LAMA1: variants seen among roughly 807,000 people sequenced by gnomAD.
The protein encoded by LAMA1 is laminin subunit alpha 1.
A neutral mutation model predicts 348.7 loss-of-function variants in LAMA1; 219 were observed. The observed-to-expected ratio is 0.63, with a 90% CI of 0.56 to 0.70. The LOEUF (loss-of-function observed/expected upper bound fraction) is 0.70. LAMA1 is among the 30% of genes least tolerant of loss of function. LAMA1 has a pLI of 0.00. For missense variants in LAMA1, 3,744 were observed against 3,888.0 expected (o/e 0.96, Z 0.99); for synonymous variants, 1,487 against 1,491.0 (o/e 1.00, Z 0.06).
At chr18:7,107,575 T>C (rs1176873587) in intron 1 of LAMA1, among the ~76,000 whole-genome samples, 1 of 152,094 alleles carries the variant, frequency 6.6e-6, no homozygotes, top group Non-Finnish European at 1.5e-5. Context: ...ACCCAGGGCC[T>C]GGAGGAGTGG....
intron 1 of LAMA1, among the ~76,000 whole-genome samples, chr18:7,095,893 C>T (rs925687540): frequency 2.6e-5 from 4 of 152,210 alleles, no homozygotes; most frequent in Non-Finnish European, 5.9e-5. Context: ...ATAGTGAAAC[C>T]CCGTCTCTAC....
Position 6,980,524 on chromosome 18 carries a change from T to C in LAMA1, c.6004A>G (p.Lys2002Glu), listed in dbSNP as rs607230. The C allele has an allele frequency of 0.71, 1,118,120 of 1,564,944 alleles. 401,658 individuals are homozygous for C. Among genetic ancestry groups the C allele is most frequent in the East Asian group, 0.83 (36,824 of 44,624 alleles). ...ESLLILRAIP[K>E]GIRDKGAKTK... ...GAAGAAAGTCCTTTCCACTTACCTT[T>C]AGGAATTGCTCTAAGTATCAAGAGT... The change falls in exon 42 of 63, where the codon AAA becomes GAA. Residue 2002 changes from lysine (K) to glutamate (E), a missense_variant. Physicochemically the swap from Lys to Glu is moderately conservative, Grantham distance 56 (BLOSUM62 1). Around this residue, in one of 3 missense-constraint regions of LAMA1, gnomAD observed 1,983 missense variants for 1,934.3 expected, o/e 1.03. Transcript: ENST00000389658.
Position 7,042,244 on chromosome 18 carries a change from G to A in LAMA1, c.1162C>T (p.Pro388Ser), listed in dbSNP as rs766401243. The A allele has an allele frequency of 6.2e-7, 1 of 1,602,856 alleles. No homozygotes were observed. The highest frequency in any genetic ancestry group is 8.5e-7 in the Non-Finnish European group (1 of 1,171,652). Residue 388 changes from proline to serine, a missense_variant, in exon 9 of 63, where the codon CCT becomes TCT. Pro to Ser is a moderately conservative substitution (Grantham distance 74, BLOSUM62 -1). This residue lies in a region of LAMA1 where 1,529 missense variants were observed against 1,689.4 expected (regional missense o/e 0.91). Coordinates refer to ENST00000389658, the MANE Select transcript of LAMA1 (RefSeq NM_005559.4). ...DGYYRPHKVS[P>S]YEDEPCRPCN... is the part of the protein sequence containing the mutation. ...GGGCGGCAAGGCTCATCCTCATAAGGAGACACCTGAAAGGCAGAGGTTGCC... is the reference window on the plus strand; with the variant it reads ...GGGCGGCAAGGCTCATCCTCATAAGAAGACACCTGAAAGGCAGAGGTTGCC...
At chr18:7,089,047 G>C (rs1164048717) in intron 1 of LAMA1, among the ~76,000 whole-genome samples, 1 of 151,860 alleles carries the variant, frequency 6.6e-6, no homozygotes, top group African/African-American at 2.4e-5. Flanking sequence ...AGGTCCACAA[G>C]CTCTGCCAAA....
intron 3 of LAMA1, among the ~76,000 whole-genome samples, chr18:7,071,603 T>A (rs1225839118): frequency 6.6e-6 from 1 of 152,272 alleles, no homozygotes; most frequent in Non-Finnish European, 1.5e-5. Context: ...GTAAGCCATA[T>A]AGAAACTATT....
chr18:7,098,725 T>A (rs1173694379), intron 1 of LAMA1, among the ~76,000 whole-genome samples: 1 of 128,220 alleles, frequency 7.8e-6, no homozygotes, highest in Non-Finnish European at 1.6e-5. Flanking sequence ...GGTGGGGGGG[T>A]CAGCCCCCCG....
At chr18:7,116,451 C>A (rs902935114) in intron 1 of LAMA1, among the ~76,000 whole-genome samples, 3 of 152,222 alleles carry the variant, frequency 2.0e-5, no homozygotes, top group Non-Finnish European at 2.9e-5. Flanking sequence ...TTCAATGCTG[C>A]GTTTCCAGCT....
chr18:6,950,963 A>C lies in LAMA1; in HGVS notation c.8216T>G (p.Val2739Gly). 1.9e-6 allele frequency: 3 copies of C among 1,613,676 alleles called. No homozygotes were observed. Among genetic ancestry groups the C allele is most frequent in the Non-Finnish European group, 2.5e-6 (3 of 1,179,884 alleles). The change falls in exon 58 of 63, where the codon GTT becomes GGT. Residue 2739 changes from valine to glycine, a missense_variant. Coordinates refer to ENST00000389658, the MANE Select transcript of LAMA1 (RefSeq NM_005559.4). The part of the protein sequence containing the change: ...NQSAVRKKLS[V>G]ELSIRTFASS... ...GGCGAACGTGCGGATGCTTAGCTCA[A>C]CCGAGAGCCTGGGGAAAACAAGTGC...
At chr18:7,030,380 G>A (rs1029351510) in intron 16 of LAMA1, among the ~76,000 whole-genome samples, 3 of 152,202 alleles carry the variant, frequency 2.0e-5, no homozygotes, top group Non-Finnish European at 2.9e-5. Context: ...AACTTTCCTA[G>A]AGGAGAGGAG....
chr18:7,026,057 C>T lies in LAMA1; in HGVS notation c.2324G>A (p.Gly775Asp). The T allele has an allele frequency of 2.5e-6, 4 of 1,610,556 alleles. No individual in the cohort carries two copies. Among genetic ancestry groups the T allele is most frequent in the South Asian group, 2.2e-5 (2 of 90,274 alleles). ...CCCTCGGGAAGGCTCCCCGTAGAAG[C>T]CGGGCAAGCACTGCTCACAGTGGAC... ...TGVHCEQCLP[G>D]FYGEPSRGTP... The change falls in exon 17 of 63, where the codon GGC becomes GAC. Residue 775 changes from glycine (G) to aspartate (D), a missense_variant. Coordinates refer to ENST00000389658, the MANE Select transcript of LAMA1 (RefSeq NM_005559.4).
chr18:7,004,033 T>C (rs1312046559), intron 29 of LAMA1, among the ~76,000 whole-genome samples: 1 of 152,264 alleles, frequency 6.6e-6, no homozygotes, highest in African/African-American at 2.4e-5. Context: ...TGAGAGAGAA[T>C]TGAAGATTTT....
At chr18:7,053,603 A>G (rs927358597) in intron 3 of LAMA1, among the ~76,000 whole-genome samples, 4 of 152,200 alleles carry the variant, frequency 2.6e-5, no homozygotes, top group East Asian at 1.9e-4. Flanking sequence ...GGAGGAAACT[A>G]GCCAGACAAA....
At chr18:7,023,118 C>T (rs1167761406) in intron 19 of LAMA1, 46 bp downstream of exon 19, 7 of 1,579,306 alleles carry the variant, frequency 4.4e-6, no homozygotes, top group Non-Finnish European at 6.0e-6. Context: ...TTGAAGACTT[C>T]CTATGGCAAT....
Position 6,956,421 on chromosome 18 carries a change from G to A in LAMA1, c.8094+215C>T, listed in dbSNP as rs761748977. ...AGCCCAATGCGCGGCCTGGGTGTTG[G>A]GGCCTACAATCTATGGATTGGGCCG... On this transcript the variant is annotated intron_variant, in intron 56 of 62. Coordinates refer to ENST00000389658, the MANE Select transcript of LAMA1 (RefSeq NM_005559.4). The A allele has an allele frequency of 4.5e-5, 33 of 737,286 alleles. No homozygotes were observed. In the East Asian group the frequency reaches 8.7e-4, roughly 19 times the overall value. 45.7% of individuals were successfully genotyped at this position (737,286 alleles called of 1,614,324 possible).
At chr18:7,077,594 G>A (rs546793567) in intron 3 of LAMA1, among the ~76,000 whole-genome samples, 2 of 152,186 alleles carry the variant, frequency 1.3e-5, no homozygotes, top group East Asian at 3.9e-4. Flanking sequence ...CATCCCTTCA[G>A]GATGAAGTCA....
intron 3 of LAMA1, among the ~76,000 whole-genome samples, chr18:7,056,325 G>A (rs1046329840): frequency 5.9e-5 from 9 of 152,120 alleles, no homozygotes; most frequent in Non-Finnish European, 1.5e-5. Flanking sequence ...GAGAAGGCAA[G>A]GTCATTTACA....
intron 3 of LAMA1, among the ~76,000 whole-genome samples, chr18:7,061,340 C>T (rs2058101285): frequency 1.3e-5 from 2 of 152,178 alleles, no homozygotes; most frequent in Non-Finnish European, 2.9e-5. Context: ...AGCCTCAAAA[C>T]CACAGCCAGG....
At chr18:6,978,119 G>A (rs1411367498) in intron 43 of LAMA1, 77 bp downstream of exon 43, 19 of 1,565,482 alleles carry the variant, frequency 1.2e-5, no homozygotes, top group East Asian at 1.1e-4. Flanking sequence ...TGTGAAAAAC[G>A]CACCACTGTG....
intron 1 of LAMA1, among the ~76,000 whole-genome samples, chr18:7,094,403 G>A (rs2143807020): frequency 6.8e-6 from 1 of 147,218 alleles, no homozygotes; most frequent in South Asian, 2.2e-4. Flanking sequence ...CTCCAGCTTG[G>A]GTGACAGAGC....
Sources: allele counts gnomAD v4.1 joint callset (sites outside exome capture counted in the v4.1 genomes callset), GRCh38; gene constraint gnomAD v4.1.1; regional missense constraint gnomAD v4.1.1; transcripts MANE v1.5; gene names NCBI Gene and HGNC (gene_info 2026-07-23, HGNC 2026-07-21).